The following ATF6 variants were observed in gnomAD, a reference collection of about 807,000 sequenced individuals.
ATF6 encodes activating transcription factor 6.
In ATF6, 53 loss-of-function variants were observed where a neutral mutation model predicts 83.6. The observed-to-expected ratio is 0.63, with a 90% CI of 0.51 to 0.80. The LOEUF is 0.80. Ranked by LOEUF, ATF6 falls within the 30% of genes least tolerant of loss-of-function variation. The pLI is 0.00. For missense variants in ATF6, 744 were observed against 797.9 expected (o/e 0.93, Z 0.81); for synonymous variants, 288 against 285.8 (o/e 1.01, Z -0.08).
chr1:161,858,029 C>T lies in ATF6; in HGVS notation c.1534-2178C>T, dbSNP rs550417101. The stretch of plus-strand genomic sequence containing the variant: ...CTGTGGCAGGAAGATTGCTTGAGTC[C>T]AGGAGTTTGAGAAGCTGCGGTGAGC... On this transcript the variant is annotated intron_variant, in intron 12 of 15. Transcript: ENST00000367942. Among the ~76,000 whole-genome samples, 11 of 152,182 alleles carry T rather than the reference C, an allele frequency of 7.2e-5. No homozygotes were observed. In the East Asian group the frequency reaches 1.9e-3, roughly 27 times the overall value.
intron 1 of ATF6, among the ~76,000 whole-genome samples, chr1:161,777,156 G>A (rs1472823460): frequency 1.3e-5 from 2 of 152,136 alleles, no homozygotes; most frequent in Non-Finnish European, 2.9e-5. Flanking sequence ...ATGTGGAGCG[G>A]GGAGCTTGAT....
At chr1:161,768,211 C>T (rs1684311514) in intron 1 of ATF6, among the ~76,000 whole-genome samples, 1 of 152,092 alleles carries the variant, frequency 6.6e-6, no homozygotes, top group African/African-American at 2.4e-5. Flanking sequence ...AATTTTATGT[C>T]GTCTTCTGAT....
At chr1:161,827,030 C>T (rs892449919) in intron 9 of ATF6, among the ~76,000 whole-genome samples, 3 of 148,142 alleles carry the variant, frequency 2.0e-5, no homozygotes, top group Admixed American at 6.9e-5. Context: ...CTCCCAGGTT[C>T]AAGCGATTCT....
At chr1:161,900,883 TA>T (rs1211561703) in intron 14 of ATF6, among the ~76,000 whole-genome samples, 2 of 152,060 alleles carry the variant, frequency 1.3e-5, no homozygotes, top group African/African-American at 4.8e-5. Context: ...AAACTTTGAT[TA>T]AAAAAAGTAT....
intron 4 of ATF6, among the ~76,000 whole-genome samples, chr1:161,788,881 T>A (rs567249651): frequency 1.8e-4 from 27 of 152,310 alleles, no homozygotes; most frequent in African/African-American, 6.0e-4. Context: ...ATGCCTTAGT[T>A]CAGTTGTGTA....
At chr1:161,795,630 A>T (rs904474563) in intron 6 of ATF6, among the ~76,000 whole-genome samples, 4 of 152,264 alleles carry the variant, frequency 2.6e-5, no homozygotes, top group Non-Finnish European at 5.9e-5. Context: ...AATATATGGC[A>T]TTGAATCCAG....
Position 161,960,352 on chromosome 1 carries a change from A to G in ATF6, c.*1698A>G, listed in dbSNP as rs879855190. On this transcript the variant is annotated 3_prime_UTR_variant, in exon 16 of 16. Transcript: ENST00000367942. ...GTCAGATTTCTTCTTGTTCCACACT[A>G]TAGCAATCAATTTCTCTTCTTCCTT... The G allele has an allele frequency of 8.5e-5, 13 of 152,390 alleles. No individual in the cohort carries two copies. Among genetic ancestry groups the G allele is most frequent in the Non-Finnish European group, 1.5e-4 (10 of 68,040 alleles). The allele number at this position is 152,390 out of a possible 1,614,324, so 9.4% of individuals were successfully genotyped here.
intron 15 of ATF6, among the ~76,000 whole-genome samples, chr1:161,927,375 C>A (rs1398459197): frequency 6.6e-6 from 1 of 152,118 alleles, no homozygotes; most frequent in Non-Finnish European, 1.5e-5. Flanking sequence ...CACGGTGTTG[C>A]CCAGGCTGGT....
chr1:161,898,773 C>T (rs1304867920), intron 14 of ATF6, among the ~76,000 whole-genome samples: 1 of 152,138 alleles, frequency 6.6e-6, no homozygotes, highest in Non-Finnish European at 1.5e-5. Flanking sequence ...GTCTTGAACT[C>T]CTGACCTCAG....
intron 1 of ATF6, among the ~76,000 whole-genome samples, chr1:161,766,682 C>T (rs926039795): frequency 8.5e-5 from 13 of 152,168 alleles, no homozygotes; most frequent in Non-Finnish European, 2.9e-5. Context: ...TCACTATTCC[C>T]ACTGGGGAAG....
At chr1:161,940,397 C>A (rs529973954) in intron 15 of ATF6, among the ~76,000 whole-genome samples, 1 of 152,128 alleles carries the variant, frequency 6.6e-6, no homozygotes, top group African/African-American at 2.4e-5. Context: ...TCTCTCTGGC[C>A]TCATTTTCCC....
intron 9 of ATF6, among the ~76,000 whole-genome samples, chr1:161,836,425 G>A (rs141640132): frequency 0.026 from 3,891 of 152,284 alleles, 67 homozygotes; most frequent in Non-Finnish European, 0.039. Context: ...TTGGCTAAAA[G>A]TACTTTCCAC....
At chr1:161,925,982 A>G (rs1047397385) in intron 15 of ATF6, among the ~76,000 whole-genome samples, 1 of 152,194 alleles carries the variant, frequency 6.6e-6, no homozygotes, top group Non-Finnish European at 1.5e-5. Context: ...ATGAAGCTGC[A>G]GAGGCAAGCA....
chr1:161,864,330 T>A (rs1158831576), intron 14 of ATF6, among the ~76,000 whole-genome samples: 1 of 152,208 alleles, frequency 6.6e-6, no homozygotes, highest in Non-Finnish European at 1.5e-5. Context: ...TTTTCACACA[T>A]GTAGATTCCA....
At chr1:161,773,937 A>G (rs944912453) in intron 1 of ATF6, among the ~76,000 whole-genome samples, 8 of 152,202 alleles carry the variant, frequency 5.3e-5, no homozygotes, top group Non-Finnish European at 8.8e-5. Context: ...CAGTACACTG[A>G]TAAACGTGCG....
At chr1:161,940,754 G>A (rs1162338658) in intron 15 of ATF6, among the ~76,000 whole-genome samples, 1 of 151,954 alleles carries the variant, frequency 6.6e-6, no homozygotes, top group Non-Finnish European at 1.5e-5. Flanking sequence ...AGTAGAGACA[G>A]GGTTTCACCA....
At chr1:161,928,428 A>G (rs1260678601) in intron 15 of ATF6, among the ~76,000 whole-genome samples, 4 of 152,316 alleles carry the variant, frequency 2.6e-5, no homozygotes, top group African/African-American at 9.6e-5. Context: ...GATAAACCAG[A>G]AAGGCTTTTT....
intron 14 of ATF6, among the ~76,000 whole-genome samples, chr1:161,866,290 T>C (rs1276020497): frequency 6.6e-6 from 1 of 152,228 alleles, no homozygotes; most frequent in Non-Finnish European, 1.5e-5. Context: ...CGTACTGTTA[T>C]TTAAGCCACT....
At chr1:161,881,670 A>G (rs933994009) in intron 14 of ATF6, among the ~76,000 whole-genome samples, 9 of 152,130 alleles carry the variant, frequency 5.9e-5, no homozygotes, top group Non-Finnish European at 1.0e-4. Flanking sequence ...TATGTATTCT[A>G]TATACAAGTC....
Sources: gnomAD v4.1 joint callset for allele counts (sites outside exome capture counted in the v4.1 genomes callset) on GRCh38, gnomAD v4.1.1 for gene constraint, MANE v1.5 for transcripts, NCBI Gene and HGNC (gene_info 2026-07-23, HGNC 2026-07-21) for gene names.